SMYD3: variants seen among roughly 807,000 people sequenced by gnomAD.
SMYD3 encodes the protein SET and MYND domain containing 3, also known as histone-lysine N-methyltransferase SMYD3.
Under a neutral mutation model 57.7 loss-of-function variants are expected in SMYD3, and 36 were observed. The observed-to-expected ratio is 0.62, with a 90% CI of 0.48 to 0.82. The LOEUF is 0.82. Ranked by LOEUF, SMYD3 falls within the 40% of genes least tolerant of loss-of-function variation. The probability of loss-of-function intolerance (pLI) is 0.00; values close to 1 mark genes in which losing one functional copy is unlikely to be tolerated. For synonymous variants in SMYD3, 211 were observed against 195.0 expected (o/e 1.08, Z -0.68); for missense variants, 515 against 538.8 (o/e 0.96, Z 0.44).
intron 5 of SMYD3, among the ~76,000 whole-genome samples, chr1:246,131,808 C>A (rs1164656966): frequency 6.6e-6 from 1 of 151,990 alleles, no homozygotes; most frequent in Non-Finnish European, 1.5e-5. Context: ...AAGACAATGA[C>A]CAATTAAAGA....
chr1:246,172,010 C>T (rs1305452810), intron 5 of SMYD3, among the ~76,000 whole-genome samples: 4 of 152,152 alleles, frequency 2.6e-5, no homozygotes, highest in Non-Finnish European at 5.9e-5. Flanking sequence ...GACTTTATCT[C>T]ATGAAGGAAA....
In SMYD3 at chr1:246,448,086, G is replaced by A. The variant is rs185056089; in HGVS notation, c.164+58968C>T. ...AATCAAATTAGCCAGGCGTGGTGGC[G>A]CATGCCTGTAATGCCAACTACTCGG... On this transcript the variant is annotated intron_variant, in intron 1 of 11. Coordinates refer to ENST00000490107, the MANE Select transcript of SMYD3 (RefSeq NM_001167740.2). Among the ~76,000 whole-genome samples, 61 of 152,222 alleles carry A rather than the reference G, an allele frequency of 4.0e-4. 2 individuals are homozygous for A. Among genetic ancestry groups the A allele is most frequent in the African/African-American group, 1.2e-3 (51 of 41,546 alleles).
At chr1:246,093,520 A>G (rs928341688) in intron 5 of SMYD3, among the ~76,000 whole-genome samples, 4 of 152,216 alleles carry the variant, frequency 2.6e-5, no homozygotes, top group African/African-American at 7.2e-5. Context: ...CCAGGCACAG[A>G]AAGGCAAATA....
intron 6 of SMYD3, among the ~76,000 whole-genome samples, chr1:245,928,935 G>T (rs2056556879): frequency 6.6e-6 from 1 of 152,208 alleles, no homozygotes; most frequent in South Asian, 2.1e-4. Flanking sequence ...AAACAAAATG[G>T]ATTTAAGCTG....
intron 5 of SMYD3, among the ~76,000 whole-genome samples, chr1:246,134,907 T>G (rs2148082226): frequency 6.9e-6 from 1 of 144,794 alleles, no homozygotes; most frequent in South Asian, 2.3e-4. Flanking sequence ...TAAAATTACA[T>G]CCCCAAGAAA....
At chr1:245,824,870 C>CAAAAAAAAAAAAAAAAAAAAA (rs1052440827) in intron 10 of SMYD3, among the ~76,000 whole-genome samples, 2 of 92,456 alleles carry the variant, frequency 2.2e-5, no homozygotes, top group Non-Finnish European at 2.5e-5. Context: ...AAAAAAAAAA[C>CAAAAAAAAAAAAAAAAAAAAA]AAAAAAAAAA....
At chr1:246,176,652 A>T (rs1356413721) in intron 5 of SMYD3, among the ~76,000 whole-genome samples, 1 of 152,176 alleles carries the variant, frequency 6.6e-6, no homozygotes, top group African/African-American at 2.4e-5. Flanking sequence ...CCTCCTGAGT[A>T]GCTGGGCCCA....
At chr1:246,029,529 AG>A (rs2059629834) in intron 5 of SMYD3, among the ~76,000 whole-genome samples, 1 of 151,910 alleles carries the variant, frequency 6.6e-6, no homozygotes, top group Non-Finnish European at 1.5e-5. Context: ...AAAATTAGCC[AG>A]GCGTGGTGAC....
intron 5 of SMYD3, among the ~76,000 whole-genome samples, chr1:246,145,904 A>T (rs1227733627): frequency 6.6e-6 from 1 of 152,208 alleles, no homozygotes; most frequent in Non-Finnish European, 1.5e-5. Context: ...AGTCTTACCG[A>T]TATTAAGGAG....
intron 5 of SMYD3, among the ~76,000 whole-genome samples, chr1:245,933,917 A>G (rs976974436): frequency 6.6e-6 from 1 of 152,206 alleles, no homozygotes; most frequent in Non-Finnish European, 1.5e-5. Flanking sequence ...ATTCTACACC[A>G]TAAGACAAGA....
At chr1:246,466,772 C>A (rs987912207) in intron 1 of SMYD3, among the ~76,000 whole-genome samples, 3 of 152,124 alleles carry the variant, frequency 2.0e-5, no homozygotes, top group Non-Finnish European at 4.4e-5. Flanking sequence ...CACTTGAGCC[C>A]GGGAAATCAA....
At chr1:246,294,402 C>T (rs2064754743) in intron 5 of SMYD3, among the ~76,000 whole-genome samples, 1 of 152,170 alleles carries the variant, frequency 6.6e-6, no homozygotes, top group Non-Finnish European at 1.5e-5. Flanking sequence ...GGGCTGACTA[C>T]CATTGCCTGT....
In SMYD3 at chr1:246,298,384, C is replaced by T. The variant is rs561383496; in HGVS notation, c.531+28817G>A. ...ATGACCAAAATCATATTAAAGCTTA[C>T]AAACCCAACCTAATGCCTAATGAAC... On this transcript the variant is annotated intron_variant, in intron 5 of 11. Coordinates refer to ENST00000490107, the MANE Select transcript of SMYD3 (RefSeq NM_001167740.2). Among the ~76,000 whole-genome samples the T allele has an allele frequency of 2.7e-4, 41 of 152,162 alleles. No homozygotes were observed. In the South Asian group the frequency reaches 8.3e-3, roughly 31 times the overall value.
At chr1:246,426,775 CT>C (rs1176359636) in intron 1 of SMYD3, among the ~76,000 whole-genome samples, 1 of 152,102 alleles carries the variant, frequency 6.6e-6, no homozygotes, top group African/African-American at 2.4e-5. Context: ...TTATTTGATA[CT>C]TTAACTCTGA....
At chr1:246,120,010 C>T (rs34250942) in intron 5 of SMYD3, among the ~76,000 whole-genome samples, 1 of 152,006 alleles carries the variant, frequency 6.6e-6, no homozygotes, top group African/African-American at 2.4e-5. Context: ...GGAAATTGGT[C>T]TATTTTTATG....
At chr1:246,242,158 C>T (rs1474501967) in intron 5 of SMYD3, among the ~76,000 whole-genome samples, 11 of 151,952 alleles carry the variant, frequency 7.2e-5, no homozygotes, top group Non-Finnish European at 1.5e-4. Flanking sequence ...GCTCTTGCTT[C>T]TCTAGTTCTT....
intron 5 of SMYD3, among the ~76,000 whole-genome samples, chr1:246,128,873 G>A (rs2148058354): frequency 6.6e-6 from 1 of 152,234 alleles, no homozygotes; most frequent in African/African-American, 2.4e-5. Flanking sequence ...TGCGATCACA[G>A]CTCACTGCAG....
In SMYD3 at chr1:246,413,329, C is replaced by G. The variant is rs140803914; in HGVS notation, c.165-58235G>C. On this transcript the variant is annotated intron_variant, in intron 1 of 11. Coordinates refer to ENST00000490107, the MANE Select transcript of SMYD3 (RefSeq NM_001167740.2). Reference sequence around the variant, plus strand: ...GGAACCTGACTCCAGAACCTATGCCCTTAATCATTAGGCGGCACTCTCGGA... The same window carrying G: ...GGAACCTGACTCCAGAACCTATGCCGTTAATCATTAGGCGGCACTCTCGGA... Among the ~76,000 whole-genome samples, 42 of 152,252 alleles carry G rather than the reference C, an allele frequency of 2.8e-4. No individual in the cohort carries two copies. The East Asian group carries it at 6.8e-3, about 24-fold the overall frequency.
intron 5 of SMYD3, among the ~76,000 whole-genome samples, chr1:246,196,683 C>T (rs1386466155): frequency 6.6e-6 from 1 of 152,140 alleles, no homozygotes; most frequent in Non-Finnish European, 1.5e-5. Flanking sequence ...ATTTATTTAA[C>T]ACTTTTGGCC....
Sources: gnomAD v4.1 joint callset for allele counts (sites outside exome capture counted in the v4.1 genomes callset) on GRCh38, gnomAD v4.1.1 for gene constraint, MANE v1.5 for transcripts, NCBI Gene and HGNC (gene_info 2026-07-23, HGNC 2026-07-21) for gene names.